DGKD: variants seen among roughly 807,000 people sequenced by gnomAD.
DGKD encodes the protein DAG kinase delta.
A neutral mutation model predicts 154.4 loss-of-function variants in DGKD; 68 were observed. The ratio of observed to expected loss-of-function variants is 0.44; its 90% CI spans 0.36 to 0.54. The LOEUF is 0.54. Ranked by LOEUF, DGKD falls within the 20% of genes least tolerant of loss-of-function variation. The probability of loss-of-function intolerance (pLI) is 0.00; values close to 1 mark genes in which losing one functional copy is unlikely to be tolerated. For missense variants in DGKD, 1,343 were observed against 1,593.6 expected (o/e 0.84, Z 2.68); for synonymous variants, 693 against 638.0 (o/e 1.09, Z -1.30).
At chr2:233,454,986 C>T (rs528816377) in intron 19 of DGKD, 113 bp downstream of exon 19, 18 of 650,402 alleles carry the variant, frequency 2.8e-5, no homozygotes, top group South Asian at 7.9e-5. Flanking sequence ...AATGCTAAGG[C>T]GGGGGGCAGA....
chr2:233,373,476 A>G (rs966377747), intron 1 of DGKD, among the ~76,000 whole-genome samples: 2 of 152,190 alleles, frequency 1.3e-5, no homozygotes, highest in Non-Finnish European at 2.9e-5. Context: ...TAATGGTAAG[A>G]GGGGCTGTGT....
rs73997605 is a variant in DGKD, at chr2:233,469,518, C to T, written c.*58C>T. ...CCCGCCGCCGAGGCCTAGCCTCCGC[C>T]CTCTCAGCCTGTGGCCTCTGCGCCT... On this transcript the variant is annotated 3_prime_UTR_variant, in exon 30 of 30. Coordinates refer to ENST00000264057, the MANE Select transcript of DGKD (RefSeq NM_152879.3). 2.4e-3 allele frequency: 3,533 copies of T among 1,469,692 alleles called. 74 individuals are homozygous for T. The African/African-American group carries it at 0.043, about 18-fold the overall frequency. 91.0% of individuals were successfully genotyped at this position (1,469,692 alleles called of 1,614,324 possible).
chr2:233,398,651 G>A (rs1410429787), intron 3 of DGKD, among the ~76,000 whole-genome samples: 2 of 152,040 alleles, frequency 1.3e-5, no homozygotes, highest in Non-Finnish European at 2.9e-5. Flanking sequence ...TTTTGAGACA[G>A]TCTCACTGTG....
At chr2:233,402,588 C>G (rs566091755) in intron 3 of DGKD, among the ~76,000 whole-genome samples, 3 of 152,192 alleles carry the variant, frequency 2.0e-5, no homozygotes, top group Non-Finnish European at 2.9e-5. Context: ...AAGAGGTGCT[C>G]ACTATTGTGG....
chr2:233,460,424 C>T (rs986286123), intron 24 of DGKD, 79 bp downstream of exon 24: 47 of 1,535,180 alleles, frequency 3.1e-5, no homozygotes, highest in Non-Finnish European at 3.9e-5. Context: ...GCCCCTGGGG[C>T]GTGGAGCTGC....
At chr2:233,383,342 G>A (rs1378684130) in intron 1 of DGKD, among the ~76,000 whole-genome samples, 3 of 151,966 alleles carry the variant, frequency 2.0e-5, no homozygotes, top group East Asian at 1.9e-4. Context: ...CGCCCAGCCC[G>A]TTCCATGGGA....
At chr2:233,462,527 GTGTTCATTCCCCCGCCTCCCCGGTGCA>G (rs1024570170) in intron 25 of DGKD, 68 bp downstream of exon 25, 234 of 1,533,584 alleles carry the variant, frequency 1.5e-4, no homozygotes, top group Non-Finnish European at 1.9e-4. Flanking sequence ...CTCCCCGTGC[GTGTTCATTCCCCCGCCTCCCCGGTGCA>G]TGTTCGGCCC....
intron 3 of DGKD, among the ~76,000 whole-genome samples, chr2:233,406,230 C>T (rs1001128377): frequency 6.6e-6 from 1 of 152,150 alleles, no homozygotes; most frequent in Non-Finnish European, 1.5e-5. Context: ...TCAGATAATC[C>T]AGGATGATCT....
chr2:233,451,890 C>A, intron 17 of DGKD, 74 bp from the exon 18 acceptor site: 4 of 1,263,490 alleles, frequency 3.2e-6, no homozygotes, highest in Non-Finnish European at 4.6e-6. Context: ...GGTCCACCAG[C>A]TTCAGAGACA....
Position 233,462,697 on chromosome 2 carries a change from A to G in DGKD, c.3148A>G (p.Ser1050Gly), listed in dbSNP as rs747985575. 2.5e-6 allele frequency: 4 copies of G among 1,614,006 alleles called. No homozygotes were observed. The highest frequency in any genetic ancestry group is 1.3e-5 in the African/African-American group (1 of 74,950). Residue 1050 changes from serine to glycine, a missense_variant, in exon 26 of 30, where the codon AGT becomes GGT. By Grantham distance (56) the Ser-to-Gly change is moderately conservative. This residue lies in a region of DGKD where 429 missense variants were observed against 496.3 expected (regional missense o/e 0.86). Coordinates refer to ENST00000264057, the MANE Select transcript of DGKD (RefSeq NM_152879.3). Reference protein sequence around the residue: ...EMVNNFRALRSETELLLSGKM... With the variant: ...EMVNNFRALRGETELLLSGKM... Reference sequence around the variant, plus strand: ...GGTGAATAACTTCAGAGCTCTGCGCAGTGAGACGGAGCTGCTGCTGTCTGG... The same window carrying G: ...GGTGAATAACTTCAGAGCTCTGCGCGGTGAGACGGAGCTGCTGCTGTCTGG...
intron 1 of DGKD, among the ~76,000 whole-genome samples, chr2:233,358,567 TCTCAA>T (rs1211394721): frequency 6.6e-6 from 1 of 152,232 alleles, no homozygotes; most frequent in African/African-American, 2.4e-5. Flanking sequence ...CCCCGTTTCC[TCTCAA>T]CTCCCTCAAC....
intron 19 of DGKD, among the ~76,000 whole-genome samples, chr2:233,456,008 G>T (rs1289068941): frequency 4.6e-5 from 7 of 152,206 alleles, no homozygotes; most frequent in African/African-American, 1.7e-4. Context: ...ACATACTTTA[G>T]CAGGGTAAAA....
chr2:233,422,307 G>A (rs867836164), intron 3 of DGKD, among the ~76,000 whole-genome samples: 1 of 152,220 alleles, frequency 6.6e-6, no homozygotes, highest in South Asian at 2.1e-4. Context: ...GCACTGTTGT[G>A]TTTAGAAATG....
chr2:233,438,500 GCTTC>G lies in DGKD; in HGVS notation c.1085+127_1085+130del, dbSNP rs1449014958. 15 of 1,250,970 alleles carry G rather than the reference GCTTC, an allele frequency of 1.2e-5. No individual in the cohort carries two copies. The highest frequency in any genetic ancestry group is 1.5e-5 in the Non-Finnish European group (14 of 918,484). 77.5% of individuals were successfully genotyped at this position (1,250,970 alleles called of 1,614,324 possible). On this transcript the variant is annotated intron_variant, in intron 9 of 29. Coordinates refer to ENST00000264057, the MANE Select transcript of DGKD (RefSeq NM_152879.3). The surrounding 1 kb of genome is among the most constrained non-coding windows in gnomAD (Gnocchi z 4.1). ...TTAAATAGGAAAGAAAAGTTGAACTGCTTCCTTCCCAAATTGCACTTGCAGAGGT... is the reference window on the plus strand; with the variant it reads ...TTAAATAGGAAAGAAAAGTTGAACTGCTTCCCAAATTGCACTTGCAGAGGT...
intron 29 of DGKD, among the ~76,000 whole-genome samples, chr2:233,468,870 C>T (rs1285885647): frequency 6.6e-6 from 1 of 152,224 alleles, no homozygotes; most frequent in African/African-American, 2.4e-5. Flanking sequence ...CACGACTGTC[C>T]CCATGCTGCT....
chr2:233,361,139 G>T (rs1181827180), intron 1 of DGKD, among the ~76,000 whole-genome samples: 1 of 152,192 alleles, frequency 6.6e-6, no homozygotes, highest in Non-Finnish European at 1.5e-5. Context: ...CCTTAGCAGG[G>T]CTGAGGTGCC....
chr2:233,365,239 T>C (rs1286361038), intron 1 of DGKD, among the ~76,000 whole-genome samples: 1 of 152,186 alleles, frequency 6.6e-6, no homozygotes, highest in Non-Finnish European at 1.5e-5. Context: ...GAACTTTTTT[T>C]TTTTTTTGGG....
At chr2:233,378,098 C>A (rs139598801) in intron 1 of DGKD, among the ~76,000 whole-genome samples, 1 of 151,182 alleles carries the variant, frequency 6.6e-6, no homozygotes, top group Admixed American at 6.6e-5. Context: ...TGCACCACCA[C>A]GCCCAGCTAT....
intron 3 of DGKD, among the ~76,000 whole-genome samples, chr2:233,432,578 G>A (rs2062565694): frequency 6.6e-6 from 1 of 152,222 alleles, no homozygotes. Context: ...AGAATGGCAT[G>A]AACCCAAGAG....
Sources: allele counts gnomAD v4.1 joint callset (sites outside exome capture counted in the v4.1 genomes callset), GRCh38; gene constraint gnomAD v4.1.1; regional missense constraint gnomAD v4.1.1; non-coding constraint Gnocchi (gnomAD v3.1); transcripts MANE v1.5; gene names NCBI Gene and HGNC (gene_info 2026-07-23, HGNC 2026-07-21).